Variants in PACS2 observed in about 807,000 individuals in gnomAD.
PACS2 encodes the protein phosphofurin acidic cluster sorting protein 2, also known as PACS1-like protein.
In PACS2, 36 loss-of-function variants were observed where a neutral mutation model predicts 113.0. That is an observed-to-expected ratio of 0.32 (90% CI 0.24 to 0.42). The LOEUF (loss-of-function observed/expected upper bound fraction) is 0.42. Ranked by LOEUF, PACS2 falls within the 10% of genes least tolerant of loss-of-function variation. The pLI, the probability that PACS2 is intolerant of heterozygous loss-of-function variation, is 1.00. For missense variants in PACS2, 1,015 were observed against 1,239.5 expected (o/e 0.82, Z 2.72); for synonymous variants, 589 against 536.1 (o/e 1.10, Z -1.36).
At position 105,394,845 on chromosome 14, in the gene PACS2, C is replaced by G; in HGVS notation, c.*173C>G. 1 of 602,292 alleles carries G rather than the reference C, an allele frequency of 1.7e-6. No homozygotes were observed. Among genetic ancestry groups the G allele is most frequent in the South Asian group, 1.9e-5 (1 of 52,706 alleles). 37.3% of individuals were successfully genotyped at this position (602,292 alleles called of 1,614,324 possible). A position where few individuals can be genotyped will look rare whatever the true frequency, so the allele number is the denominator to read the frequency against. On this transcript the variant is annotated 3_prime_UTR_variant, in exon 25 of 25. Transcript: ENST00000447393. ...TAACGGGGGAGCTCCTGCCAGGAGCCGAATAACTGCTCTGCTTATTAACCC... is the reference window on the plus strand; with the variant it reads ...TAACGGGGGAGCTCCTGCCAGGAGCGGAATAACTGCTCTGCTTATTAACCC...
chr14:105,320,262 C>G (rs2058838681), intron 1 of PACS2, among the ~76,000 whole-genome samples: 1 of 152,210 alleles, frequency 6.6e-6, no homozygotes, highest in South Asian at 2.1e-4. Flanking sequence ...AGGCGTGAGC[C>G]ACCATGCCTG....
In PACS2 at chr14:105,392,730, C is replaced by T. The variant is rs1555415271; in HGVS notation, c.2367C>T (p.Asn789=). The change falls in exon 23 of 25, where the codon AAC becomes AAT. Residue 789 remains asparagine (N), a synonymous_variant. Coordinates refer to ENST00000447393, the MANE Select transcript of PACS2 (RefSeq NM_001100913.3). ...AGAAGGACCTGCCTGTCACCAAAAA[C>T]ACGCTCAAGTGCACTTTCCGGTCCC... The part of the protein sequence containing the change: ...AEKKDLPVTK[N]TLKCTFRSLQ... 1 of 1,612,988 alleles carries T rather than the reference C, an allele frequency of 6.2e-7. No individual in the cohort carries two copies. Among genetic ancestry groups the T allele is most frequent in the Non-Finnish European group, 8.5e-7 (1 of 1,180,018 alleles).
chr14:105,347,701 AAG>A (rs1373799219), intron 1 of PACS2, among the ~76,000 whole-genome samples: 1 of 152,200 alleles, frequency 6.6e-6, no homozygotes, highest in East Asian at 1.9e-4. Context: ...CCAAGCTTCA[AAG>A]AGAGCTGTGC....
chr14:105,352,401 C>G lies in PACS2; in HGVS notation c.231C>G (p.Ser77=). The change falls in exon 3 of 25, where the codon TCC becomes TCG. Residue 77 remains serine (S), a synonymous_variant. Coordinates refer to ENST00000447393, the MANE Select transcript of PACS2 (RefSeq NM_001100913.3). ...AGGGCTCCAAACGAATCCTGCGGTC[C>G]CATGAGATTGTGCTGCCCCCCAGTG... is the stretch of plus-strand genomic sequence containing the variant. ...KMQGSKRILR[S]HEIVLPPSGQ... 1 of 1,612,420 alleles carries G rather than the reference C, an allele frequency of 6.2e-7. No individual in the cohort carries two copies. Among genetic ancestry groups the G allele is most frequent in the South Asian group, 1.1e-5 (1 of 91,060 alleles).
chr14:105,391,481 A>G (rs1595187614), intron 21 of PACS2, 150 bp from the exon 22 acceptor site: 2 of 728,270 alleles, frequency 2.7e-6, no homozygotes, highest in East Asian at 5.4e-5. Flanking sequence ...AGAATCCGAG[A>G]CCCTCCCGTC....
chr14:105,356,801 G>A lies in PACS2; in HGVS notation c.423+1624G>A, dbSNP rs1439298780. 6.7e-6 allele frequency among the ~76,000 whole-genome samples: 1 copy of A among 150,354 alleles called. No individual in the cohort carries two copies. Among genetic ancestry groups the A allele is most frequent in the Non-Finnish European group, 1.5e-5 (1 of 67,654 alleles). On this transcript the variant is annotated intron_variant, in intron 4 of 24. Transcript: ENST00000447393. This position sits in a 1 kb window ranked among gnomAD's most constrained non-coding sequence, Gnocchi z 4.0. ...GTCCTGCTGATCCCTGCCGGTCCCT[G>A]TGTTTCCCATTAGCCATGCAGGCGA... is the stretch of plus-strand genomic sequence containing the variant.
chr14:105,360,072 A>G (rs1334256471), intron 4 of PACS2, among the ~76,000 whole-genome samples: 1 of 152,196 alleles, frequency 6.6e-6, no homozygotes, highest in Non-Finnish European at 1.5e-5. Context: ...CTGACCTTGA[A>G]GATATTGTGT....
chr14:105,355,081 C>T lies in PACS2; in HGVS notation c.327C>T (p.Asn109=), dbSNP rs1286160613. Residue 109 remains asparagine (N), a synonymous_variant, in exon 4 of 25, where the codon AAC becomes AAT. Transcript: ENST00000447393. The surrounding 1 kb of genome is among the most constrained non-coding windows in gnomAD (Gnocchi z 4.1). ...CTCACTTCTTGAAGAGGGAAGGCAACAAGCTTCAGATCATGCTGCAGCGCA... is the reference window on the plus strand; with the variant it reads ...CTCACTTCTTGAAGAGGGAAGGCAATAAGCTTCAGATCATGCTGCAGCGCA... ...QYPHFLKREG[N]KLQIMLQRRK... 13 of 1,613,506 alleles carry T rather than the reference C, an allele frequency of 8.1e-6. No individual in the cohort carries two copies. Among genetic ancestry groups the T allele is most frequent in the Non-Finnish European group, 1.1e-5 (13 of 1,179,908 alleles).
rs1555405250 is a variant in PACS2, at chr14:105,355,870, G to C, written c.423+693G>C. Among the ~76,000 whole-genome samples, 1 of 152,176 alleles carries C rather than the reference G, an allele frequency of 6.6e-6. No homozygotes were observed. The highest frequency in any genetic ancestry group is 2.4e-5 in the African/African-American group (1 of 41,438). On this transcript the variant is annotated intron_variant, in intron 4 of 24. Coordinates refer to ENST00000447393, the MANE Select transcript of PACS2 (RefSeq NM_001100913.3). The surrounding 1 kb of genome is among the most constrained non-coding windows in gnomAD (Gnocchi z 4.1). Reference sequence around the variant, plus strand: ...GGACCCTTTCGGGGCTGCAAGATTGGCTCTGGGAGAAGGGGCAGCCCAGGG... The same window carrying C: ...GGACCCTTTCGGGGCTGCAAGATTGCCTCTGGGAGAAGGGGCAGCCCAGGG...
intron 1 of PACS2, among the ~76,000 whole-genome samples, chr14:105,306,635 T>G (rs963942209): frequency 1.6e-4 from 25 of 151,728 alleles, no homozygotes; most frequent in Non-Finnish European, 3.4e-4. Context: ...AGACTGAGTC[T>G]CGCTGTGTCG....
rs2081514124 is a variant in PACS2 at position 105,395,845 on chromosome 14, G to C, written c.*1173G>C. 6.6e-6 allele frequency: 1 copy of C among 152,444 alleles called. No individual in the cohort carries two copies. Among genetic ancestry groups the C allele is most frequent in the African/African-American group, 2.4e-5 (1 of 41,440 alleles). 9.4% of individuals were successfully genotyped at this position (152,444 alleles called of 1,614,324 possible). ...TGACCACACCTGCCCCCTCAGTCCTGCTTCTCCCCAGTAAGCCTGCACTGT... is the reference window on the plus strand; with the variant it reads ...TGACCACACCTGCCCCCTCAGTCCTCCTTCTCCCCAGTAAGCCTGCACTGT... On this transcript the variant is annotated 3_prime_UTR_variant, in exon 25 of 25. Coordinates refer to ENST00000447393, the MANE Select transcript of PACS2 (RefSeq NM_001100913.3).
At chr14:105,360,659 G>A (rs1484300336) in intron 4 of PACS2, among the ~76,000 whole-genome samples, 1 of 152,066 alleles carries the variant, frequency 6.6e-6, no homozygotes, top group East Asian at 1.9e-4. Context: ...TCAGAGTGTT[G>A]GTTGCTGAAG....
chr14:105,381,768 A>G lies in PACS2; in HGVS notation c.1269-146A>G, dbSNP rs970439823. ...GGCTGGTGACCTCTCTGTGCAGCCC[A>G]TGTTCCCACTGCCCATCAGTCAGCC... On this transcript the variant is annotated intron_variant, in intron 12 of 24. Transcript: ENST00000447393. The G allele has an allele frequency of 8.4e-6, 6 of 716,390 alleles. No homozygotes were observed. In the African/African-American group the frequency reaches 9.0e-5, roughly 11 times the overall value. 44.4% of individuals were successfully genotyped at this position (716,390 alleles called of 1,614,324 possible). A position where few individuals can be genotyped will look rare whatever the true frequency, so the allele number is the denominator to read the frequency against.
chr14:105,391,357 G>T (rs1040640709), intron 21 of PACS2, 108 bp downstream of exon 21: 6 of 847,850 alleles, frequency 7.1e-6, no homozygotes, highest in African/African-American at 1.7e-5. Context: ...CCTGAGAGCC[G>T]CCACGTCCCA....
chr14:105,374,110 G>A (rs2061257093), intron 8 of PACS2, among the ~76,000 whole-genome samples: 1 of 149,056 alleles, frequency 6.7e-6, no homozygotes, highest in African/African-American at 2.5e-5. Context: ...AGCCAACATT[G>A]CATCATTGCA....
chr14:105,335,491 C>T (rs1038202393), intron 1 of PACS2, among the ~76,000 whole-genome samples: 3 of 152,216 alleles, frequency 2.0e-5, no homozygotes, highest in Non-Finnish European at 4.4e-5. Flanking sequence ...GTGCTGACTC[C>T]GGCACCATCA....
intron 18 of PACS2, among the ~76,000 whole-genome samples, chr14:105,385,451 G>C (rs1318575612): frequency 6.6e-6 from 1 of 152,190 alleles, no homozygotes; most frequent in Non-Finnish European, 1.5e-5. Context: ...GTCCTGCGGA[G>C]ACCTGTCTGT....
chr14:105,362,057 A>G (rs921229168), intron 4 of PACS2, among the ~76,000 whole-genome samples: 1 of 147,402 alleles, frequency 6.8e-6, no homozygotes, highest in Non-Finnish European at 1.5e-5. Context: ...TGGGAAGTGG[A>G]GGTTGTAGTG....
chr14:105,335,039 G>T (rs1406836245), intron 1 of PACS2, among the ~76,000 whole-genome samples: 1 of 152,250 alleles, frequency 6.6e-6, no homozygotes, highest in South Asian at 2.1e-4. Context: ...GGGCCTTCGG[G>T]TGACTGAGAC....
Sources: gnomAD v4.1 joint callset for allele counts (sites outside exome capture counted in the v4.1 genomes callset) on GRCh38, gnomAD v4.1.1 for gene constraint, Gnocchi (gnomAD v3.1) non-coding constraint, MANE v1.5 for transcripts, NCBI Gene and HGNC (gene_info 2026-07-23, HGNC 2026-07-21) for gene names.